The following PAQR5 variants were observed in gnomAD, a reference collection of about 807,000 sequenced individuals.
PAQR5 encodes membrane progestin receptor gamma.
Under a neutral mutation model 34.5 loss-of-function variants are expected in PAQR5, and 20 were observed. The observed-to-expected ratio is 0.58, with a 90% CI of 0.41 to 0.84. PAQR5 has a LOEUF of 0.84. Among genes scored for constraint, PAQR5 ranks in the 40% least tolerant of loss-of-function variants. The pLI, the probability that PAQR5 is intolerant of heterozygous loss-of-function variation, is 0.00. For synonymous variants in PAQR5, 131 were observed against 155.6 expected (o/e 0.84, Z 1.18); for missense variants, 378 against 412.7 (o/e 0.92, Z 0.73).
chr15:69,368,823 T>G (rs980387032), intron 3 of PAQR5, among the ~76,000 whole-genome samples: 1 of 152,194 alleles, frequency 6.6e-6, no homozygotes, highest in African/African-American at 2.4e-5. Flanking sequence ...TGGAGTGTCA[T>G]GGTGCAGTCA....
intron 1 of PAQR5, among the ~76,000 whole-genome samples, chr15:69,336,796 T>G (rs1010410231): frequency 1.3e-5 from 2 of 152,248 alleles, no homozygotes; most frequent in East Asian, 3.8e-4. Context: ...TATTAGTATG[T>G]GTTCCAAAAG....
intron 2 of PAQR5, among the ~76,000 whole-genome samples, chr15:69,349,100 G>T (rs556244884): frequency 1.3e-5 from 2 of 152,134 alleles, no homozygotes; most frequent in African/African-American, 2.4e-5. Flanking sequence ...CTTGTGAGTC[G>T]GTGGACTGCG....
intron 1 of PAQR5, among the ~76,000 whole-genome samples, chr15:69,333,286 G>A (rs1004463490): frequency 6.6e-6 from 1 of 152,154 alleles, no homozygotes; most frequent in South Asian, 2.1e-4. Flanking sequence ...AATTAAAAGC[G>A]GATAGATCCC....
intron 3 of PAQR5, among the ~76,000 whole-genome samples, chr15:69,373,716 G>A (rs2055626203): frequency 6.6e-6 from 1 of 152,072 alleles, no homozygotes. Flanking sequence ...TGATTCTTCT[G>A]CTTCAACCTC....
At chr15:69,387,900 C>T (rs2056155871) in intron 5 of PAQR5, among the ~76,000 whole-genome samples, 2 of 18,560 alleles carry the variant, frequency 1.1e-4, no homozygotes, top group Admixed American at 1.9e-3. Context: ...AACCCCCAGA[C>T]CTGGATATAC....
intron 2 of PAQR5, among the ~76,000 whole-genome samples, chr15:69,343,536 G>C (rs1174007346): frequency 6.6e-6 from 1 of 152,234 alleles, no homozygotes; most frequent in Non-Finnish European, 1.5e-5. Context: ...TCCCTTTAAA[G>C]AGCAGAGTAG....
intron 1 of PAQR5, among the ~76,000 whole-genome samples, chr15:69,322,623 C>T (rs1316531218): frequency 1.6e-5 from 2 of 125,292 alleles, no homozygotes; most frequent in African/African-American, 6.3e-5. Context: ...CCACTGCACT[C>T]CAGGCTGGGT....
rs551211585 is a variant in PAQR5 at position 69,350,852 on chromosome 15, C to T, written c.-115-9114C>T. Among the ~76,000 whole-genome samples the T allele has an allele frequency of 6.1e-4, 93 of 152,308 alleles. 1 individual carries two copies. The highest frequency in any genetic ancestry group is 2.2e-3 in the African/African-American group (91 of 41,564). On this transcript the variant is annotated intron_variant, in intron 2 of 8. Coordinates refer to ENST00000395407, the MANE Select transcript of PAQR5 (RefSeq NM_017705.4). ...AAATTTATACTATTACTCTTTCTCC[C>T]AGGCTTCGCCAAAGGGATCTGTGAC...
At chr15:69,310,257 A>G (rs2053801515) in intron 1 of PAQR5, among the ~76,000 whole-genome samples, 1 of 152,156 alleles carries the variant, frequency 6.6e-6, no homozygotes, top group Non-Finnish European at 1.5e-5. Flanking sequence ...TAGGTAGGAT[A>G]AAGTCCTAGA....
intron 2 of PAQR5, among the ~76,000 whole-genome samples, chr15:69,359,071 G>C (rs1388066568): frequency 5.3e-5 from 8 of 152,274 alleles, no homozygotes; most frequent in Middle Eastern, 3.4e-3. Flanking sequence ...TCCCCGTCTG[G>C]TGAGGGCCCA....
In PAQR5 at chr15:69,375,457, T is replaced by G. The variant is rs143263852; in HGVS notation, c.52-4426T>G. ...AGATGAATTTTGGGAGGGACACAGT[T>G]GCCTCCCAGATTTAGTTCATAATGG... On this transcript the variant is annotated intron_variant, in intron 3 of 8. Coordinates refer to ENST00000395407, the MANE Select transcript of PAQR5 (RefSeq NM_017705.4). Among the ~76,000 whole-genome samples the G allele has an allele frequency of 2.5e-3, 382 of 152,298 alleles. 2 individuals carry two copies. The highest frequency in any genetic ancestry group is 9.0e-3 in the African/African-American group (374 of 41,566).
intron 1 of PAQR5, among the ~76,000 whole-genome samples, chr15:69,330,583 G>A (rs2054356026): frequency 6.6e-6 from 1 of 151,896 alleles, no homozygotes; most frequent in Non-Finnish European, 1.5e-5. Context: ...CTGATCTTGT[G>A]GCCCCCTCCC....
chr15:69,300,634 T>TC (rs1566985351), intron 1 of PAQR5, among the ~76,000 whole-genome samples: 3 of 44,360 alleles, frequency 6.8e-5, no homozygotes, highest in Non-Finnish European at 5.7e-5. Context: ...TCTTTCTTTC[T>TC]TTCTTTCTTT....
chr15:69,346,470 T>TA (rs957703858), intron 2 of PAQR5, among the ~76,000 whole-genome samples: 2 of 151,832 alleles, frequency 1.3e-5, no homozygotes, highest in African/African-American at 4.8e-5. Flanking sequence ...CGTGCCCAGT[T>TA]AATATTTTTT....
chr15:69,403,501 T>C, intron 8 of PAQR5, 80 bp from the exon 9 acceptor site: 2 of 1,380,384 alleles, frequency 1.4e-6, no homozygotes, highest in Non-Finnish European at 2.0e-6. Flanking sequence ...TAGCATCATT[T>C]TTAGCATGAA....
intron 2 of PAQR5, among the ~76,000 whole-genome samples, chr15:69,351,333 T>C (rs2054912870): frequency 6.6e-6 from 1 of 152,270 alleles, no homozygotes; most frequent in Non-Finnish European, 1.5e-5. Flanking sequence ...AGATGGATCC[T>C]GAAGAATCCA....
chr15:69,333,690 T>C (rs972698761), intron 1 of PAQR5, among the ~76,000 whole-genome samples: 11 of 152,220 alleles, frequency 7.2e-5, no homozygotes, highest in African/African-American at 2.7e-4. Context: ...AATGGCACCC[T>C]TAATTTTGGG....
intron 1 of PAQR5, among the ~76,000 whole-genome samples, chr15:69,331,328 C>G (rs1194568073): frequency 6.6e-6 from 1 of 152,208 alleles, no homozygotes; most frequent in African/African-American, 2.4e-5. Flanking sequence ...TTGGCTCTTT[C>G]TAACTAGTAA....
Position 69,393,679 on chromosome 15 carries a change from G to A in PAQR5, c.513-3789G>A, listed in dbSNP as rs2056333252. 2.6e-5 allele frequency among the ~76,000 whole-genome samples: 4 copies of A among 152,242 alleles called. No homozygotes were observed. In the South Asian group the frequency reaches 8.3e-4, roughly 32 times the overall value. On this transcript the variant is annotated intron_variant, in intron 6 of 8. Transcript: ENST00000395407. ...GAGAACCACCTTCCCCTCCAGGGAGGGGAAGACCTCCTGGGGGAGACCAGG... is the reference window on the plus strand; with the variant it reads ...GAGAACCACCTTCCCCTCCAGGGAGAGGAAGACCTCCTGGGGGAGACCAGG...
Sources: gnomAD v4.1 joint callset for allele counts (sites outside exome capture counted in the v4.1 genomes callset) on GRCh38, gnomAD v4.1.1 for gene constraint, MANE v1.5 for transcripts, NCBI Gene and HGNC (gene_info 2026-07-23, HGNC 2026-07-21) for gene names.